The following RARB variants were observed in gnomAD, a reference collection of about 807,000 sequenced individuals.
RARB encodes HBV-activated protein.
In RARB, 17 loss-of-function variants were observed where a neutral mutation model predicts 51.9. The ratio of observed to expected loss-of-function variants is 0.33; its 90% CI spans 0.22 to 0.49. RARB has a LOEUF of 0.49. RARB is among the 20% of genes least tolerant of loss of function. The pLI is 0.99. For missense variants in RARB, 369 were observed against 550.8 expected, an observed-to-expected ratio of 0.67 and a Z score of 3.30; for synonymous variants, 215 against 195.4, an observed-to-expected ratio of 1.10 and a Z score of -0.84.
At chr3:24,916,536 C>A (rs1559395002) in intron 2 of RARB, among the ~76,000 whole-genome samples, 1 of 152,024 alleles carries the variant, frequency 6.6e-6, no homozygotes, top group African/African-American at 2.4e-5. Context: ...CTTCTTTTAC[C>A]CTCTCTGATA....
At chr3:24,853,433 T>G (rs1419741475) in intron 1 of RARB, among the ~76,000 whole-genome samples, 4 of 152,224 alleles carry the variant, frequency 2.6e-5, no homozygotes. Context: ...TACGGCTATC[T>G]AAAATGTGTT....
At chr3:25,058,638 A>G (rs957641087) in intron 2 of RARB, among the ~76,000 whole-genome samples, 2 of 151,950 alleles carry the variant, frequency 1.3e-5, no homozygotes, top group South Asian at 4.1e-4. Flanking sequence ...TAAGAGGGGC[A>G]TGAGTGGGGT....
intron 4 of RARB, among the ~76,000 whole-genome samples, chr3:25,145,483 T>C (rs192757576): frequency 9.5e-4 from 130 of 136,508 alleles, no homozygotes; most frequent in Admixed American, 2.3e-3. Context: ...GTTACTCATA[T>C]TGAAAATTGT....
At chr3:25,293,623 A>G (rs74783597) in intron 5 of RARB, among the ~76,000 whole-genome samples, 6,422 of 148,314 alleles carry the variant, frequency 0.043, 191 homozygotes, top group Non-Finnish European at 0.049. Context: ...AAAAAAGTTC[A>G]GAGATAGGAA....
At chr3:24,979,305 C>A (rs528674223) in intron 2 of RARB, among the ~76,000 whole-genome samples, 1 of 152,214 alleles carries the variant, frequency 6.6e-6, no homozygotes, top group East Asian at 1.9e-4. Context: ...CCTGGATATC[C>A]TTGTTAATTT....
intron 3 of RARB, among the ~76,000 whole-genome samples, chr3:25,504,665 C>T (rs530486613): frequency 6.6e-6 from 1 of 151,418 alleles, no homozygotes; most frequent in Non-Finnish European, 1.5e-5. Flanking sequence ...CTTCTTTATG[C>T]TGTGGGAGAA....
intron 3 of RARB, 93 bp from the exon 4 acceptor site, chr3:25,569,665 G>T: frequency 7.1e-7 from 1 of 1,398,850 alleles, no homozygotes. Flanking sequence ...TATCAAATGA[G>T]CTTAAGGCAG....
At chr3:25,012,461 G>C (rs945156021) in intron 2 of RARB, among the ~76,000 whole-genome samples, 11 of 152,182 alleles carry the variant, frequency 7.2e-5, no homozygotes, top group African/African-American at 2.6e-4. Flanking sequence ...GCCAGGTTCA[G>C]AAAACTGTAC....
chr3:25,314,681 T>C (rs1449159742), intron 5 of RARB, among the ~76,000 whole-genome samples: 1 of 152,352 alleles, frequency 6.6e-6, no homozygotes, highest in South Asian at 2.1e-4. Flanking sequence ...TTTCATTTTT[T>C]AATTTTTTAA....
At chr3:25,252,335 C>T (rs1189070160) in intron 5 of RARB, among the ~76,000 whole-genome samples, 1 of 151,966 alleles carries the variant, frequency 6.6e-6, no homozygotes, top group African/African-American at 2.4e-5. Flanking sequence ...ATTTGGGGAC[C>T]TTTGCAATTA....
At chr3:25,184,644 A>T (rs1200732320) in intron 5 of RARB, among the ~76,000 whole-genome samples, 1 of 152,146 alleles carries the variant, frequency 6.6e-6, no homozygotes, top group South Asian at 2.1e-4. Flanking sequence ...CTGTAAAATA[A>T]GGACAATTTA....
intron 5 of RARB, among the ~76,000 whole-genome samples, chr3:25,184,659 T>C (rs1395524818): frequency 2.0e-5 from 3 of 152,138 alleles, no homozygotes; most frequent in Non-Finnish European, 4.4e-5. Flanking sequence ...AATTTATCTT[T>C]GAAAAATTAT....
chr3:25,440,952 T>C (rs1708649538), intron 1 of RARB, among the ~76,000 whole-genome samples: 1 of 152,110 alleles, frequency 6.6e-6, no homozygotes, highest in Non-Finnish European at 1.5e-5. Context: ...CAAATGAAGA[T>C]GGAAAAACTG....
intron 2 of RARB, chr3:25,462,381 GGC>G (rs1446332581): frequency 6.6e-6 from 1 of 152,104 alleles, no homozygotes; most frequent in Non-Finnish European, 1.5e-5. Flanking sequence ...AAGGAACTAT[GGC>G]TGTTTTGAAC....
intron 5 of RARB, among the ~76,000 whole-genome samples, chr3:25,203,804 A>G (rs1575216816): frequency 1.3e-5 from 2 of 152,336 alleles, no homozygotes; most frequent in African/African-American, 2.4e-5. Context: ...GAAATCTACT[A>G]TTAGTCTGAT....
intron 3 of RARB, among the ~76,000 whole-genome samples, chr3:25,062,758 G>T (rs928993717): frequency 1.3e-5 from 2 of 151,842 alleles, no homozygotes; most frequent in African/African-American, 4.8e-5. Flanking sequence ...CTATGTTTGG[G>T]GCCAGTAGAG....
At chr3:24,880,202 ATTT>A (rs1329512881) in intron 2 of RARB, among the ~76,000 whole-genome samples, 1 of 147,276 alleles carries the variant, frequency 6.8e-6, no homozygotes, top group South Asian at 2.1e-4. Flanking sequence ...TGGCAACTGC[ATTT>A]TTTTTTTCTG....
chr3:24,992,621 G>A (rs1696936553), intron 2 of RARB, among the ~76,000 whole-genome samples: 1 of 152,182 alleles, frequency 6.6e-6, no homozygotes, highest in Admixed American at 6.5e-5. Context: ...GAATCTTGAA[G>A]TCCAAGGTCA....
intron 5 of RARB, among the ~76,000 whole-genome samples, chr3:25,301,972 A>G (rs746900588): frequency 4.6e-5 from 7 of 152,304 alleles, no homozygotes; most frequent in African/African-American, 7.2e-5. Context: ...AGTGAAATCA[A>G]TTGATACAGA....
Sources: gnomAD v4.1 joint callset for allele counts (sites outside exome capture counted in the v4.1 genomes callset) on GRCh38, gnomAD v4.1.1 for gene constraint, MANE v1.5 for transcripts, NCBI Gene and HGNC (gene_info 2026-07-23, HGNC 2026-07-21) for gene names.